The following IL7 variants were observed in gnomAD, a reference collection of about 807,000 sequenced individuals.
The protein encoded by IL7 is interleukin 7.
In IL7, 3 loss-of-function variants were observed where a neutral mutation model predicts 21.6. That is an observed-to-expected ratio of 0.14 (90% CI 0.06 to 0.36). IL7 has a LOEUF of 0.36. IL7 is among the 10% of genes least tolerant of loss of function. The pLI, the probability that IL7 is intolerant of heterozygous loss-of-function variation, is 1.00. For missense variants in IL7, 175 were observed against 200.2 expected (o/e 0.87, Z 0.76); for synonymous variants, 62 against 68.1 (o/e 0.91, Z 0.44).
Position 78,740,039 on chromosome 8 carries a change from A to C in IL7, c.191T>G (p.Phe64Cys). ...ACAGATATGTCTTTTAAAAAAGTTAAATTCATTATTCAGGCAATTGCTACC... is the reference window on the plus strand; with the variant it reads ...ACAGATATGTCTTTTAAAAAAGTTACATTCATTATTCAGGCAATTGCTACC... The part of the protein sequence containing the change: ...EIGSNCLNNE[F>C]NFFKRHICDA... Residue 64 changes from phenylalanine to cysteine, a missense_variant, in exon 3 of 6, where the codon TTT becomes TGT. By Grantham distance (205) the Phe-to-Cys change is radical (BLOSUM62 -2). Coordinates refer to ENST00000263851, the MANE Select transcript of IL7 (RefSeq NM_000880.4). 1 of 1,540,568 alleles carries C rather than the reference A, an allele frequency of 6.5e-7. No homozygotes were observed. Among genetic ancestry groups the C allele is most frequent in the Non-Finnish European group, 8.7e-7 (1 of 1,148,426 alleles).
At chr8:78,681,236 C>A (rs894368503) in intron 4 of IL7, among the ~76,000 whole-genome samples, 1 of 151,810 alleles carries the variant, frequency 6.6e-6, no homozygotes, top group Non-Finnish European at 1.5e-5. Context: ...AAACTTCTTG[C>A]AAATAGCTGT....
intron 2 of IL7, among the ~76,000 whole-genome samples, chr8:78,759,412 A>G (rs548019991): frequency 7.2e-6 from 1 of 138,422 alleles, no homozygotes; most frequent in East Asian, 2.2e-4. Context: ...CATGGAAAAA[A>G]GACAGAAAAA....
chr8:78,698,143 G>A (rs1010059451), intron 3 of IL7, among the ~76,000 whole-genome samples: 36 of 152,166 alleles, frequency 2.4e-4, no homozygotes, highest in African/African-American at 7.5e-4. Context: ...GCAATTGTTC[G>A]TAGTAGTCAA....
rs1811451887 is a variant in IL7 at position 78,732,819 on chromosome 8, G to A, written c.*894C>T. 6.6e-6 allele frequency: 1 copy of A among 151,998 alleles called. No individual in the cohort carries two copies. The highest frequency in any genetic ancestry group is 1.5e-5 in the Non-Finnish European group (1 of 67,964). 9.4% of individuals were successfully genotyped at this position (151,998 alleles called of 1,614,324 possible). A position where few individuals can be genotyped will look rare whatever the true frequency, so the allele number is the denominator to read the frequency against. ...TATCAAAGGAGAAATGTATTCCAAA[G>A]TAAGCAATTTGTAATGCTGTATGAA... On this transcript the variant is annotated 3_prime_UTR_variant, in exon 6 of 6. Coordinates refer to ENST00000263851, the MANE Select transcript of IL7 (RefSeq NM_000880.4).
intron 3 of IL7, among the ~76,000 whole-genome samples, chr8:78,710,167 AT>A (rs1309162013): frequency 6.6e-6 from 1 of 152,100 alleles, no homozygotes; most frequent in Non-Finnish European, 1.5e-5. Flanking sequence ...TGTTATTGAG[AT>A]TTATAGATTT....
At chr8:78,760,082 A>G (rs1158803641) in intron 2 of IL7, 5 of 1,454,146 alleles carry the variant, frequency 3.4e-6, no homozygotes, top group Admixed American at 2.8e-5. Context: ...TGGCCTACAT[A>G]CACCTTACGG....
At chr8:78,705,814 T>G (rs1169248839) in intron 3 of IL7, among the ~76,000 whole-genome samples, 2 of 151,870 alleles carry the variant, frequency 1.3e-5, no homozygotes, top group African/African-American at 4.8e-5. Flanking sequence ...TTCTTTCCAG[T>G]GAGGAGGGGC....
intron 2 of IL7, among the ~76,000 whole-genome samples, chr8:78,758,716 C>G (rs1393700313): frequency 6.6e-6 from 1 of 152,104 alleles, no homozygotes; most frequent in Admixed American, 6.5e-5. Flanking sequence ...TAATAGGCTG[C>G]TAGTCTGATG....
downstream of IL7, among the ~76,000 whole-genome samples, chr8:78,713,172 T>C (rs1308416614): frequency 2.6e-5 from 4 of 152,148 alleles, no homozygotes; most frequent in Admixed American, 6.6e-5. Context: ...AGATTCTAGA[T>C]ACAGAGTAAG....
chr8:78,788,420 A>G (rs1563436390), intron 2 of IL7, among the ~76,000 whole-genome samples: 1 of 151,746 alleles, frequency 6.6e-6, no homozygotes. Context: ...GCAAATATCT[A>G]TTTTCTTTTC....
intron 2 of IL7, chr8:78,760,981 A>G: frequency 1.3e-6 from 2 of 1,591,616 alleles, no homozygotes; most frequent in Non-Finnish European, 1.7e-6. Context: ...GAACAACAAT[A>G]GTAACAATGA....
rs139592725 is a variant in IL7 at position 78,752,288 on chromosome 8, C to T, written c.148-12206G>A. On this transcript the variant is annotated intron_variant, in intron 2 of 5. Transcript: ENST00000263851. ...TGATTTCCTTTCCTTTGGATAACTG[C>T]TTGGTAGTGAGATTGCAGGAGCACA... 9.0e-3 allele frequency among the ~76,000 whole-genome samples: 1,375 copies of T among 152,246 alleles called. 19 individuals carry two copies. Among genetic ancestry groups the T allele is most frequent in the Middle Eastern group, 0.041 (12 of 294 alleles).
chr8:78,782,679 G>T (rs1813377189), intron 2 of IL7, among the ~76,000 whole-genome samples: 1 of 152,038 alleles, frequency 6.6e-6, no homozygotes, highest in South Asian at 2.1e-4. Context: ...GTTGGGGGTG[G>T]TCTCACCCAG....
intron 2 of IL7, among the ~76,000 whole-genome samples, chr8:78,742,864 A>C (rs1473701514): frequency 6.6e-6 from 1 of 151,688 alleles, no homozygotes; most frequent in Non-Finnish European, 1.5e-5. Flanking sequence ...TTGTTTTTTG[A>C]TCCTCTCCCT....
chr8:78,785,821 C>A (rs940915636), intron 2 of IL7, among the ~76,000 whole-genome samples: 1 of 152,216 alleles, frequency 6.6e-6, no homozygotes, highest in African/African-American at 2.4e-5. Context: ...ATCACAGTCA[C>A]TTCTCTGTTG....
At chr8:78,729,622 G>A (rs1257027850), downstream of IL7, among the ~76,000 whole-genome samples, 1 of 151,838 alleles carries the variant, frequency 6.6e-6, no homozygotes. Context: ...GAGATGACGG[G>A]GTAGATAATG....
intron 4 of IL7, among the ~76,000 whole-genome samples, chr8:78,677,454 A>T (rs147006652): frequency 1.3e-5 from 2 of 152,246 alleles, no homozygotes; most frequent in African/African-American, 4.8e-5. Flanking sequence ...GGAGGAAAAG[A>T]ATTAGTATGG....
intron 2 of IL7, among the ~76,000 whole-genome samples, chr8:78,794,916 C>T (rs1193678650): frequency 1.3e-5 from 2 of 152,080 alleles, no homozygotes; most frequent in Non-Finnish European, 2.9e-5. Flanking sequence ...ATCACCTACA[C>T]AAATGGGTTT....
downstream of IL7, chr8:78,715,188 A>G (rs1018449946): frequency 5.0e-6 from 8 of 1,589,732 alleles, no homozygotes; most frequent in African/African-American, 1.1e-4. Context: ...TCACTGTTCA[A>G]TACTTTTCCA....
Sources: allele counts gnomAD v4.1 joint callset (sites outside exome capture counted in the v4.1 genomes callset), GRCh38; gene constraint gnomAD v4.1.1; transcripts MANE v1.5; gene names NCBI Gene and HGNC (gene_info 2026-07-23, HGNC 2026-07-21).